The following CCSER1 variants were observed in gnomAD, a reference collection of about 807,000 sequenced individuals.
CCSER1 encodes the protein serine-rich coiled-coil domain-containing protein 1.
In CCSER1, 41 loss-of-function variants were observed where a neutral mutation model predicts 82.0. The observed-to-expected ratio is 0.50, with a 90% CI of 0.39 to 0.65. The LOEUF (loss-of-function observed/expected upper bound fraction) is 0.65, where lower values mean the gene tolerates loss of function less well. CCSER1 is among the 30% of genes least tolerant of loss of function. CCSER1 has a pLI of 0.00. For synonymous variants in CCSER1, 414 were observed against 383.9 expected, an observed-to-expected ratio of 1.08 and a Z score of -0.92; for missense variants, 1,119 against 1,064.2, an observed-to-expected ratio of 1.05 and a Z score of -0.72.
chr4:90,143,903 T>A (rs527955580), intron 1 of CCSER1, among the ~76,000 whole-genome samples: 1 of 151,220 alleles, frequency 6.6e-6, no homozygotes, highest in Non-Finnish European at 1.5e-5. Flanking sequence ...TTACTTAGGT[T>A]TGTCTTGAAC....
At chr4:90,986,431 A>C (rs934329548) in intron 9 of CCSER1, among the ~76,000 whole-genome samples, 1 of 151,870 alleles carries the variant, frequency 6.6e-6, no homozygotes, top group Non-Finnish European at 1.5e-5. Context: ...AATTTAAAAC[A>C]CCTGATTATT....
intron 10 of CCSER1, among the ~76,000 whole-genome samples, chr4:91,231,513 G>A (rs902588729): frequency 6.6e-6 from 1 of 151,682 alleles, no homozygotes; most frequent in African/African-American, 2.4e-5. Flanking sequence ...TATACGTATA[G>A]GTTGTTCACA....
intron 5 of CCSER1, among the ~76,000 whole-genome samples, chr4:90,619,489 C>G (rs1425622382): frequency 6.6e-6 from 1 of 151,928 alleles, no homozygotes; most frequent in East Asian, 1.9e-4. Flanking sequence ...TAGGAAGACC[C>G]GCCAACCTGT....
At chr4:91,278,121 T>C (rs1251023378) in intron 10 of CCSER1, among the ~76,000 whole-genome samples, 1 of 152,102 alleles carries the variant, frequency 6.6e-6, no homozygotes, top group Non-Finnish European at 1.5e-5. Flanking sequence ...GAATGTTCCA[T>C]ATGCTAAGGA....
intron 4 of CCSER1, among the ~76,000 whole-genome samples, chr4:90,409,620 C>T (rs1420399047): frequency 1.3e-5 from 2 of 152,038 alleles, no homozygotes; most frequent in African/African-American, 4.8e-5. Context: ...TAAAAGTGCT[C>T]CTGAAGGAAG....
At position 90,208,432 on chromosome 4, in the gene CCSER1, G is replaced by A. The variant is rs573527492; in HGVS notation, c.-42+80601G>A. 4.6e-5 allele frequency among the ~76,000 whole-genome samples: 7 copies of A among 152,100 alleles called. No individual in the cohort carries two copies. The South Asian group carries it at 1.5e-3, about 32-fold the overall frequency. ...ATTTCAAGCCATTGGATCTTAGCTT[G>A]CTGGGCTCTGTAGACATGGGATCCA... On this transcript the variant is annotated intron_variant, in intron 1 of 10. Transcript: ENST00000509176.
chr4:91,551,661 AC>A (rs869296475), intron 10 of CCSER1, among the ~76,000 whole-genome samples: 3 of 48,428 alleles, frequency 6.2e-5, no homozygotes, highest in African/African-American at 2.3e-4. Flanking sequence ...AAACAAACAC[AC>A]ACACACACAC....
intron 5 of CCSER1, among the ~76,000 whole-genome samples, chr4:90,539,892 A>T (rs943714057): frequency 1.3e-5 from 2 of 152,016 alleles, no homozygotes; most frequent in African/African-American, 4.8e-5. Flanking sequence ...TTATATAAGT[A>T]GTAGTAATTT....
chr4:90,211,708 T>A (rs1271413404), intron 1 of CCSER1, among the ~76,000 whole-genome samples: 8 of 152,162 alleles, frequency 5.3e-5, no homozygotes, highest in African/African-American at 1.9e-4. Flanking sequence ...TGATTAACAG[T>A]TAGTGAATAA....
rs181292646 is a variant in CCSER1 at position 90,692,640 on chromosome 4, C to T, written c.1933-31274C>T. ...TGACGTATGAATTCTACTTCATGAA[C>T]GACCATTTTATTAACCATTTCAATT... is the stretch of plus-strand genomic sequence containing the variant. On this transcript the variant is annotated intron_variant, in intron 6 of 10. Coordinates refer to ENST00000509176, the MANE Select transcript of CCSER1 (RefSeq NM_001145065.2). Among the ~76,000 whole-genome samples, 462 of 151,922 alleles carry T rather than the reference C, an allele frequency of 3.0e-3. 1 individual carries two copies. Among genetic ancestry groups the T allele is most frequent in the African/African-American group, 0.01 (425 of 41,496 alleles).
At chr4:90,297,076 C>T (rs1377493388) in intron 1 of CCSER1, among the ~76,000 whole-genome samples, 1 of 152,074 alleles carries the variant, frequency 6.6e-6, no homozygotes, top group Non-Finnish European at 1.5e-5. Flanking sequence ...CTATAAATTA[C>T]CTTGGGCAGT....
chr4:90,444,378 A>G (rs1407185540), intron 4 of CCSER1, among the ~76,000 whole-genome samples: 3 of 151,900 alleles, frequency 2.0e-5, no homozygotes, highest in Non-Finnish European at 4.4e-5. Flanking sequence ...TGAAGCATTG[A>G]CCCTGTGCCA....
intron 8 of CCSER1, among the ~76,000 whole-genome samples, chr4:90,872,454 C>T (rs1422596115): frequency 6.6e-6 from 1 of 151,896 alleles, no homozygotes; most frequent in Non-Finnish European, 1.5e-5. Flanking sequence ...ACACTGATTG[C>T]ATAAACAACA....
intron 6 of CCSER1, among the ~76,000 whole-genome samples, chr4:90,714,555 T>TA (rs1375100788): frequency 6.6e-6 from 1 of 151,906 alleles, no homozygotes; most frequent in African/African-American, 2.4e-5. Context: ...CCTACATAGA[T>TA]AAGGGGTCAG....
chr4:90,155,413 T>A (rs1322515308), intron 1 of CCSER1, among the ~76,000 whole-genome samples: 1 of 152,192 alleles, frequency 6.6e-6, no homozygotes, highest in African/African-American at 2.4e-5. Context: ...TAGGGAGGAT[T>A]CCCTCTTTTT....
chr4:91,273,935 G>C (rs1433060374), intron 10 of CCSER1, among the ~76,000 whole-genome samples: 1 of 152,054 alleles, frequency 6.6e-6, no homozygotes, highest in African/African-American at 2.4e-5. Context: ...CAATAATTAG[G>C]CTTCTTATGG....
At chr4:90,741,517 C>T (rs1746550667) in intron 7 of CCSER1, among the ~76,000 whole-genome samples, 1 of 152,148 alleles carries the variant, frequency 6.6e-6, no homozygotes, top group Non-Finnish European at 1.5e-5. Flanking sequence ...ACATCAGATA[C>T]TGAATCTGGC....
chr4:91,389,267 AT>A (rs938533683), intron 10 of CCSER1, among the ~76,000 whole-genome samples: 1 of 151,686 alleles, frequency 6.6e-6, no homozygotes, highest in Admixed American at 6.6e-5. Flanking sequence ...GCCTAGATTC[AT>A]TTTTTTTGTT....
At chr4:90,767,054 C>T (rs940473097) in intron 7 of CCSER1, among the ~76,000 whole-genome samples, 6 of 152,192 alleles carry the variant, frequency 3.9e-5, no homozygotes, top group Non-Finnish European at 8.8e-5. Flanking sequence ...AGCTATCTCA[C>T]ATACACCCTG....
Sources: allele counts gnomAD v4.1 joint callset (sites outside exome capture counted in the v4.1 genomes callset), GRCh38; gene constraint gnomAD v4.1.1; transcripts MANE v1.5; gene names NCBI Gene and HGNC (gene_info 2026-07-23, HGNC 2026-07-21).